Variants in ZNF69 observed in about 807,000 individuals in gnomAD.
ZNF69 encodes ZNF3.
Under a neutral mutation model 50.9 loss-of-function variants are expected in ZNF69, and 47 were observed. The observed-to-expected ratio is 0.92, with a 90% CI of 0.73 to 1.18. The LOEUF is 1.18. Among genes scored for constraint, ZNF69 ranks in the 50% most tolerant of loss-of-function variants. ZNF69 has a pLI of 0.00. For synonymous variants in ZNF69, 216 were observed against 223.1 expected, an observed-to-expected ratio of 0.97 and a Z score of 0.29; for missense variants, 717 against 675.1, an observed-to-expected ratio of 1.06 and a Z score of -0.69.
At chr19:11,940,307 T>C in the ZNF69 span, among the ~76,000 whole-genome samples, 1 of 152,190 alleles carries the variant, frequency 6.6e-6, no homozygotes, top group South Asian at 2.1e-4. Flanking sequence ...GTCACTGACT[T>C]CAAAAATGAA....
At chr19:11,922,565 T>C in the ZNF69 span, among the ~76,000 whole-genome samples, 3 of 152,224 alleles carry the variant, frequency 2.0e-5, no homozygotes, top group African/African-American at 7.2e-5. Context: ...CTGAAGGTTC[T>C]GCAGCTTGGT....
the ZNF69 span, chr19:11,978,459 A>T: frequency 6.2e-7 from 1 of 1,614,228 alleles, no homozygotes; most frequent in South Asian, 1.1e-5. Flanking sequence ...AGAATGTGGA[A>T]AAACCTTTAT....
the ZNF69 span, among the ~76,000 whole-genome samples, chr19:11,951,635 G>A: frequency 6.6e-6 from 1 of 152,176 alleles, no homozygotes; most frequent in Non-Finnish European, 1.5e-5. Flanking sequence ...CAGCAAGGGT[G>A]TAATATACTG....
At chr19:11,900,534 C>T (rs1346348128) in intron 1 of ZNF69, among the ~76,000 whole-genome samples, 2 of 151,304 alleles carry the variant, frequency 1.3e-5, no homozygotes, top group African/African-American at 2.4e-5. Flanking sequence ...TGTATTTTTA[C>T]TAGAGACGGG....
the ZNF69 span, among the ~76,000 whole-genome samples, chr19:11,928,609 G>A: frequency 6.7e-6 from 1 of 148,388 alleles, no homozygotes; most frequent in South Asian, 2.1e-4. Flanking sequence ...GCGGGCGCCT[G>A]TAGTCCCAGC....
downstream of ZNF69, among the ~76,000 whole-genome samples, chr19:11,906,824 C>T (rs773197087): frequency 1.3e-5 from 2 of 152,188 alleles, no homozygotes; most frequent in Admixed American, 1.3e-4. Flanking sequence ...TGGACTTTGA[C>T]TTTGACGAGC....
At chr19:11,896,812 G>C (rs1017943644) in intron 1 of ZNF69, among the ~76,000 whole-genome samples, 1 of 152,014 alleles carries the variant, frequency 6.6e-6, no homozygotes, top group Non-Finnish European at 1.5e-5. Flanking sequence ...GTTTTTAGAA[G>C]TAGTTTTTTC....
the ZNF69 span, among the ~76,000 whole-genome samples, chr19:11,934,340 G>C: frequency 4.1e-5 from 6 of 147,782 alleles, no homozygotes; most frequent in Non-Finnish European, 7.4e-5. Flanking sequence ...GTAGGACCAT[G>C]CTTATTTTCT....
intron 1 of ZNF69, among the ~76,000 whole-genome samples, chr19:11,901,964 C>T (rs1352761057): frequency 1.3e-5 from 2 of 149,800 alleles, no homozygotes; most frequent in East Asian, 3.9e-4. Context: ...TAGTATAGGC[C>T]AAGATGTTAT....
chr19:11,952,662 T>G, the ZNF69 span, among the ~76,000 whole-genome samples: 4 of 152,200 alleles, frequency 2.6e-5, no homozygotes, highest in Non-Finnish European at 5.9e-5. Flanking sequence ...ACCCTATCTG[T>G]GTGTGGAGAT....
chr19:11,954,270 G>C, the ZNF69 span, among the ~76,000 whole-genome samples: 1 of 152,198 alleles, frequency 6.6e-6, no homozygotes, highest in Admixed American at 6.5e-5. Flanking sequence ...TAGCAAGACA[G>C]ATTCTGCAAG....
downstream of ZNF69, among the ~76,000 whole-genome samples, chr19:11,911,674 G>A (rs189408364): frequency 9.9e-5 from 15 of 152,274 alleles, no homozygotes; most frequent in African/African-American, 3.1e-4. Context: ...GCCTGTCATG[G>A]GGTAGGGGGA....
At position 11,905,667 on chromosome 19, in the gene ZNF69, G is replaced by T. The variant is rs185285422; in HGVS notation, c.1270G>T (p.Ala424Ser). The stretch of plus-strand genomic sequence containing the variant: ...CTATGAGTGTAAGCAATGTGGGAAG[G>T]CCTTCAGATCTTCCTCACACCTTCA... Reference protein sequence around the residue: ...KPYECKQCGKAFRSSSHLQLH... With the variant: ...KPYECKQCGKSFRSSSHLQLH... The change falls in exon 4 of 4, where the codon GCC (alanine) becomes TCC (serine). Residue 424 changes from alanine to serine, a missense_variant. By Grantham distance (99) the Ala-to-Ser change is moderately conservative. Transcript: ENST00000429654. 17 of 1,613,934 alleles carry T rather than the reference G, an allele frequency of 1.1e-5. No homozygotes were observed. The East Asian group carries it at 3.8e-4, about 36-fold the overall frequency.
chr19:11,973,218 T>A, the ZNF69 span, among the ~76,000 whole-genome samples: 6 of 152,158 alleles, frequency 3.9e-5, no homozygotes, highest in East Asian at 7.7e-4. Context: ...CCCCTATTTA[T>A]CCCTGGCAAC....
At chr19:11,952,639 A>C in the ZNF69 span, among the ~76,000 whole-genome samples, 1 of 152,248 alleles carries the variant, frequency 6.6e-6, no homozygotes, top group Non-Finnish European at 1.5e-5. Context: ...ATGCAGCATC[A>C]ATCATTGACC....
the ZNF69 span, among the ~76,000 whole-genome samples, chr19:11,976,180 G>A: frequency 6.7e-6 from 1 of 150,308 alleles, no homozygotes; most frequent in East Asian, 2.0e-4. Context: ...TTGGGAACAG[G>A]CATTTTCAAG....
intron 1 of ZNF69, among the ~76,000 whole-genome samples, chr19:11,902,397 C>T (rs1286801575): frequency 6.6e-6 from 1 of 152,094 alleles, no homozygotes; most frequent in Non-Finnish European, 1.5e-5. Flanking sequence ...TCATTACTGC[C>T]ACCTCAGGAA....
At chr19:11,923,360 G>C in the ZNF69 span, among the ~76,000 whole-genome samples, 1 of 152,130 alleles carries the variant, frequency 6.6e-6, no homozygotes, top group East Asian at 1.9e-4. Context: ...TCCCGATTGG[G>C]CTTAGTTATG....
intron 1 of ZNF69, among the ~76,000 whole-genome samples, chr19:11,901,218 G>A (rs376185963): frequency 5.9e-5 from 9 of 152,080 alleles, no homozygotes; most frequent in African/African-American, 1.9e-4. Context: ...ATGTTTCTAT[G>A]TTCCTAGTGC....
Sources: gnomAD v4.1 joint callset for allele counts (sites outside exome capture counted in the v4.1 genomes callset) on GRCh38, gnomAD v4.1.1 for gene constraint, MANE v1.5 for transcripts, NCBI Gene and HGNC (gene_info 2026-07-23, HGNC 2026-07-21) for gene names.